The following CAMK1D variants were observed in gnomAD, a reference collection of about 807,000 sequenced individuals.
CAMK1D encodes calcium/calmodulin-dependent protein kinase type 1D.
In CAMK1D, 9 loss-of-function variants were observed where a neutral mutation model predicts 47.7. The ratio of observed to expected loss-of-function variants is 0.19; its 90% CI spans 0.11 to 0.33. The LOEUF is 0.33. CAMK1D is among the 10% of genes least tolerant of loss of function. The probability of loss-of-function intolerance (pLI) is 1.00; values close to 1 mark genes in which losing one functional copy is unlikely to be tolerated. For synonymous variants in CAMK1D, 184 were observed against 184.9 expected, an observed-to-expected ratio of 0.99 and a Z score of 0.04; for missense variants, 291 against 488.7, an observed-to-expected ratio of 0.60 and a Z score of 3.81.
intron 5 of CAMK1D, among the ~76,000 whole-genome samples, chr10:12,784,912 T>C (rs1564559749): frequency 1.3e-5 from 2 of 152,186 alleles, no homozygotes; most frequent in East Asian, 1.9e-4. Flanking sequence ...GCCCTGCCCC[T>C]CCAGCAGCGT....
At chr10:12,668,129 G>C (rs947563738) in intron 3 of CAMK1D, among the ~76,000 whole-genome samples, 5 of 152,058 alleles carry the variant, frequency 3.3e-5, no homozygotes, top group African/African-American at 1.2e-4. Flanking sequence ...CCGTATTTCT[G>C]GTTTTTCCTA....
At chr10:12,478,953 G>C (rs1833982038) in intron 1 of CAMK1D, among the ~76,000 whole-genome samples, 1 of 152,194 alleles carries the variant, frequency 6.6e-6, no homozygotes. Context: ...CCAAGTGTTT[G>C]ACGTATTTTC....
chr10:12,781,297 G>A (rs1051513667), intron 5 of CAMK1D, among the ~76,000 whole-genome samples: 9 of 152,238 alleles, frequency 5.9e-5, no homozygotes, highest in Non-Finnish European at 1.3e-4. Flanking sequence ...GCGTCACGCC[G>A]TGATCACACA....
chr10:12,435,221 C>CAAAAAAAAAAAAA (rs910066372), intron 1 of CAMK1D, among the ~76,000 whole-genome samples: 2 of 44,030 alleles, frequency 4.5e-5, no homozygotes, highest in Non-Finnish European at 8.2e-5. Context: ...AACTCTGTCT[C>CAAAAAAAAAAAAA]AAAAAAAAAA....
chr10:12,602,278 C>G (rs1362441676), intron 2 of CAMK1D, among the ~76,000 whole-genome samples: 2 of 152,076 alleles, frequency 1.3e-5, no homozygotes, highest in Non-Finnish European at 2.9e-5. Flanking sequence ...TTGCCCAGAC[C>G]TGGTCTCAAA....
intron 2 of CAMK1D, among the ~76,000 whole-genome samples, chr10:12,573,566 C>G (rs181329065): frequency 6.6e-6 from 1 of 152,260 alleles, no homozygotes; most frequent in Non-Finnish European, 1.5e-5. Flanking sequence ...GGTTTTCACT[C>G]GATAGACTGT....
intron 3 of CAMK1D, among the ~76,000 whole-genome samples, chr10:12,730,217 T>C (rs1483097025): frequency 6.6e-6 from 1 of 152,116 alleles, no homozygotes; most frequent in African/African-American, 2.4e-5. Context: ...TGGGGTAGGA[T>C]TCTGGATGTA....
At chr10:12,753,226 A>G (rs1002759730) in intron 3 of CAMK1D, among the ~76,000 whole-genome samples, 13 of 152,226 alleles carry the variant, frequency 8.5e-5, no homozygotes, top group African/African-American at 3.1e-4. Flanking sequence ...CATACCAAGT[A>G]CAATCTTCCT....
At chr10:12,767,442 G>T (rs1459177374) in intron 4 of CAMK1D, among the ~76,000 whole-genome samples, 1 of 152,130 alleles carries the variant, frequency 6.6e-6, no homozygotes, top group Non-Finnish European at 1.5e-5. Flanking sequence ...CTCCCAAAGT[G>T]CTGGGATTAC....
At chr10:12,626,268 TGA>T (rs941804271) in intron 2 of CAMK1D, among the ~76,000 whole-genome samples, 62 of 152,164 alleles carry the variant, frequency 4.1e-4, no homozygotes, top group Admixed American at 1.3e-4. Flanking sequence ...AACATTCTTG[TGA>T]GTCTTTTGCA....
chr10:12,381,445 C>T (rs1370848640), intron 1 of CAMK1D, among the ~76,000 whole-genome samples: 2 of 150,502 alleles, frequency 1.3e-5, no homozygotes, highest in Non-Finnish European at 3.0e-5. Context: ...AAGCAATTCT[C>T]CTGCCTCAGC....
chr10:12,769,156 T>C (rs902672276), intron 4 of CAMK1D, among the ~76,000 whole-genome samples: 1 of 152,184 alleles, frequency 6.6e-6, no homozygotes, highest in Non-Finnish European at 1.5e-5. Context: ...TCCCTCTGCT[T>C]TCCTGGCAGG....
intron 1 of CAMK1D, among the ~76,000 whole-genome samples, chr10:12,433,607 T>C (rs374606543): frequency 5.3e-5 from 8 of 152,322 alleles, no homozygotes; most frequent in African/African-American, 1.7e-4. Flanking sequence ...GAGCCTGTGA[T>C]TGGCATCTCC....
At chr10:12,590,529 G>A (rs545688915) in intron 2 of CAMK1D, among the ~76,000 whole-genome samples, 131 of 152,228 alleles carry the variant, frequency 8.6e-4, no homozygotes, top group African/African-American at 2.8e-3. Context: ...CCTGGCCCTG[G>A]GTCTCAGTCT....
intron 1 of CAMK1D, among the ~76,000 whole-genome samples, chr10:12,377,952 G>T (rs1838230603): frequency 6.6e-6 from 1 of 152,224 alleles, no homozygotes; most frequent in African/African-American, 2.4e-5. Context: ...ACATCCAAAG[G>T]TATTAGGAGC....
intron 1 of CAMK1D, among the ~76,000 whole-genome samples, chr10:12,351,285 GA>G (rs1837349078): frequency 6.6e-6 from 1 of 152,168 alleles, no homozygotes; most frequent in Non-Finnish European, 1.5e-5. Flanking sequence ...AATGAAAACA[GA>G]AAAAGATGTA....
At chr10:12,432,382 C>G (rs12217581) in intron 1 of CAMK1D, among the ~76,000 whole-genome samples, 1 of 152,136 alleles carries the variant, frequency 6.6e-6, no homozygotes, top group African/African-American at 2.4e-5. Context: ...CAGCTGGGGC[C>G]TGGTTTGAAG....
chr10:12,503,641 C>G (rs1186170993), intron 1 of CAMK1D, among the ~76,000 whole-genome samples: 1 of 152,176 alleles, frequency 6.6e-6, no homozygotes, highest in Non-Finnish European at 1.5e-5. Context: ...TATGAATGAA[C>G]ACATTTGATG....
chr10:12,360,190 C>T (rs1221966144), intron 1 of CAMK1D, among the ~76,000 whole-genome samples: 1 of 152,152 alleles, frequency 6.6e-6, no homozygotes, highest in Non-Finnish European at 1.5e-5. Context: ...CAACACAGAT[C>T]ACTGAAATTG....
Sources: gnomAD v4.1 joint callset for allele counts (sites outside exome capture counted in the v4.1 genomes callset) on GRCh38, gnomAD v4.1.1 for gene constraint, MANE v1.5 for transcripts, NCBI Gene and HGNC (gene_info 2026-07-23, HGNC 2026-07-21) for gene names.